Variants in NUP98 observed in about 807,000 individuals in gnomAD.
NUP98 encodes nuclear pore complex protein Nup98-Nup96.
A neutral mutation model predicts 191.9 loss-of-function variants in NUP98; 26 were observed. The ratio of observed to expected loss-of-function variants is 0.14; its 90% confidence interval spans 0.10 to 0.19. The LOEUF (loss-of-function observed/expected upper bound fraction) is 0.19. NUP98 is among the 10% of genes least tolerant of loss of function. The pLI, the probability that NUP98 is intolerant of heterozygous loss-of-function variation, is 1.00. For missense variants in NUP98, 1,941 were observed against 2,178.8 expected, an observed-to-expected ratio of 0.89 and a Z score of 2.17; for synonymous variants, 808 against 778.4, an observed-to-expected ratio of 1.04 and a Z score of -0.63.
intron 1 of NUP98, among the ~76,000 whole-genome samples, chr11:3,791,521 G>A (rs1230682170): frequency 1.4e-4 from 15 of 107,984 alleles, no homozygotes; most frequent in African/African-American, 4.7e-4. Flanking sequence ...GGGAAAGACC[G>A]AGACCTCGTC....
chr11:3,785,396 CTGTGG>C, intron 1 of NUP98, among the ~76,000 whole-genome samples: 1 of 152,304 alleles, frequency 6.6e-6, no homozygotes, highest in Admixed American at 6.5e-5. Flanking sequence ...TGTCTGGTTC[CTGTGG>C]GTTTTCAGTT....
chr11:3,762,664 G>T (rs2081213818), intron 9 of NUP98, among the ~76,000 whole-genome samples: 2 of 152,136 alleles, frequency 1.3e-5, no homozygotes, highest in South Asian at 2.1e-4. Context: ...ATGCACATAA[G>T]CACTGAGGCA....
chr11:3,678,783 T>C (rs951551283), intron 31 of NUP98, among the ~76,000 whole-genome samples: 6 of 152,090 alleles, frequency 3.9e-5, no homozygotes, highest in African/African-American at 1.4e-4. Context: ...TTTTGCACCA[T>C]AAGCAAGCAG....
chr11:3,796,628 A>AT (rs770394985), intron 1 of NUP98, among the ~76,000 whole-genome samples: 2 of 152,204 alleles, frequency 1.3e-5, no homozygotes, highest in Non-Finnish European at 2.9e-5. Context: ...CCGACCTCCT[A>AT]AAGGGAATTC....
At chr11:3,743,181 G>A (rs1373513116) in intron 12 of NUP98, among the ~76,000 whole-genome samples, 1 of 151,350 alleles carries the variant, frequency 6.6e-6, no homozygotes, top group African/African-American at 2.4e-5. Context: ...ATCATGCCCA[G>A]CTAATTTTTG....
At chr11:3,751,712 A>G (rs541154065) in intron 11 of NUP98, among the ~76,000 whole-genome samples, 255 of 152,152 alleles carry the variant, frequency 1.7e-3, no homozygotes, top group Non-Finnish European at 3.0e-3. Flanking sequence ...TTAAAAAACT[A>G]GCCAAGCATG....
At chr11:3,695,410 A>G (rs534196348) in intron 26 of NUP98, 39 bp downstream of exon 26, 2 of 1,474,526 alleles carry the variant, frequency 1.4e-6, no homozygotes, top group East Asian at 4.9e-5. Context: ...AATTTATGAA[A>G]AAACCAATGT....
intron 31 of NUP98, among the ~76,000 whole-genome samples, chr11:3,678,503 A>G (rs1589942967): frequency 6.6e-6 from 1 of 152,248 alleles, no homozygotes; most frequent in East Asian, 1.9e-4. Flanking sequence ...TGTACTAAGT[A>G]TCTTGGTAGT....
chr11:3,760,637 T>C lies in NUP98; in HGVS notation c.1087-11A>G, dbSNP rs1457714791. The C allele has an allele frequency of 1.4e-5, 22 of 1,606,110 alleles. 1 individual carries two copies. The highest frequency in any genetic ancestry group is 8.9e-5 in the East Asian group (4 of 44,790). ...ATTGCCAAACAGGGTCTAAAAAGAA[T>C]AGAATACAGGAAAATTTAAAATAAT... On this transcript the variant is annotated splice_polypyrimidine_tract_variant and intron_variant, in intron 9 of 32. Transcript: ENST00000324932.
intron 29 of NUP98, 92 bp from the exon 30 acceptor site, chr11:3,683,533 T>C: frequency 7.6e-7 from 1 of 1,321,266 alleles, no homozygotes; most frequent in Non-Finnish European, 1.0e-6. Flanking sequence ...GGCAGTCTCT[T>C]AAACTGCAGG....
At chr11:3,782,430 T>A (rs958222808) in intron 1 of NUP98, among the ~76,000 whole-genome samples, 1 of 151,668 alleles carries the variant, frequency 6.6e-6, no homozygotes, top group African/African-American at 2.4e-5. Context: ...TTTTTTTTTT[T>A]AACCTAAGTC....
intron 30 of NUP98, among the ~76,000 whole-genome samples, chr11:3,682,875 A>T (rs1204439603): frequency 2.0e-5 from 3 of 152,228 alleles, no homozygotes; most frequent in African/African-American, 7.2e-5. Context: ...GGAAAATGTG[A>T]AGAATTTCTA....
rs1206731370 is a variant in NUP98 at position 3,762,921 on chromosome 11, C to G, written c.1067G>C (p.Gly356Ala). ...ACCTACCGAACCAACAGCACCAAATCCAGTATTGGTCTGCCCAAAGAGACC... is the reference window on the plus strand; with the variant it reads ...ACCTACCGAACCAACAGCACCAAATGCAGTATTGGTCTGCCCAAAGAGACC... ...GTGLFGQTNTGFGAVGSTLFG... is the reference protein window; with the variant it reads ...GTGLFGQTNTAFGAVGSTLFG... The change falls in exon 9 of 33, where the codon GGA becomes GCA. Residue 356 changes from glycine to alanine, a missense_variant. This residue lies in a region of NUP98 where 181 missense variants were observed against 228.0 expected (regional missense o/e 0.79). Coordinates refer to ENST00000324932, the MANE Select transcript of NUP98 (RefSeq NM_016320.5). 6.2e-7 allele frequency: 1 copy of G among 1,614,020 alleles called. No individual in the cohort carries two copies. The highest frequency in any genetic ancestry group is 1.1e-5 in the South Asian group (1 of 91,056).
rs181050351 is a variant in NUP98 at position 3,765,212 on chromosome 11, T to C, written c.949-2173A>G. Among the ~76,000 whole-genome samples the C allele has an allele frequency of 2.8e-3, 423 of 152,306 alleles. 4 individuals carry two copies. The highest frequency in any genetic ancestry group is 3.9e-3 in the Non-Finnish European group (267 of 68,014). On this transcript the variant is annotated intron_variant, in intron 8 of 32. Transcript: ENST00000324932. ...TCTGCCATCTTTGTTTGTTTAGAGA[T>C]AGGGTCTCATTATGTCGCTCAGGCT...
intron 11 of NUP98, 151 bp from the exon 12 acceptor site, chr11:3,744,800 GTCAAGTACTGCGC>G: frequency 1.3e-6 from 1 of 754,020 alleles, no homozygotes; most frequent in Non-Finnish European, 2.1e-6. Context: ...GTTACTGCAG[GTCAAGTACTGCGC>G]TCAGTACATT....
intron 10 of NUP98, among the ~76,000 whole-genome samples, chr11:3,757,493 A>G (rs988509006): frequency 3.3e-5 from 5 of 150,774 alleles, no homozygotes; most frequent in Non-Finnish European, 5.9e-5. Context: ...CCCAAAAAAC[A>G]AACAAAACAA....
In NUP98 at chr11:3,706,483, T is replaced by C. The variant is rs748747257; in HGVS notation, c.2887A>G (p.Ile963Val). The C allele has an allele frequency of 5.0e-6, 8 of 1,614,084 alleles. No homozygotes were observed. Among genetic ancestry groups the C allele is most frequent in the Non-Finnish European group, 6.8e-6 (8 of 1,179,980 alleles). The change falls in exon 21 of 33, where the codon ATT becomes GTT. Residue 963 changes from isoleucine to valine, a missense_variant. Physicochemically the swap from Ile to Val is conservative, Grantham distance 29. Transcript: ENST00000324932. ...GGATTAATTCCCAGTGAAGATGCAA[T>C]ATGTGTTGAGGCAGACACAGGTTCC... is the stretch of plus-strand genomic sequence containing the variant. Reference protein sequence around the residue: ...DQEPVSASTHIASSLGINPHV... With the variant: ...DQEPVSASTHVASSLGINPHV...
chr11:3,724,294 G>A (rs915004342), intron 15 of NUP98, among the ~76,000 whole-genome samples: 7 of 151,544 alleles, frequency 4.6e-5, no homozygotes, highest in African/African-American at 1.7e-4. Flanking sequence ...AATTAGCTGG[G>A]CGTGGAGGTG....
chr11:3,751,892 T>C (rs1278661464), intron 11 of NUP98, among the ~76,000 whole-genome samples: 7 of 151,696 alleles, frequency 4.6e-5, no homozygotes, highest in African/African-American at 9.7e-5. Flanking sequence ...AAAAGAAGAC[T>C]GAAGGCTGGG....
Sources: allele counts gnomAD v4.1 joint callset (sites outside exome capture counted in the v4.1 genomes callset), GRCh38; gene constraint gnomAD v4.1.1; regional missense constraint gnomAD v4.1.1; transcripts MANE v1.5; gene names NCBI Gene and HGNC (gene_info 2026-07-23, HGNC 2026-07-21).